FBXL4: variants seen among roughly 807,000 people sequenced by gnomAD.
FBXL4 encodes F-box and leucine rich repeat protein 4, also known as F-box/LRR-repeat protein 4.
FBXL4 carries 40 observed loss-of-function variants against 58.9 expected under a neutral mutation model. The observed-to-expected ratio is 0.68, with a 90% CI of 0.53 to 0.88. The LOEUF (loss-of-function observed/expected upper bound fraction) is 0.88. Among genes scored for constraint, FBXL4 ranks in the 40% least tolerant of loss-of-function variants. The pLI, the probability that FBXL4 is intolerant of heterozygous loss-of-function variation, is 0.00. For synonymous variants in FBXL4, 263 were observed against 265.5 expected, an observed-to-expected ratio of 0.99 and a Z score of 0.09; for missense variants, 676 against 734.4, an observed-to-expected ratio of 0.92 and a Z score of 0.92.
chr6:98,898,306 C>A (rs1204846944), intron 7 of FBXL4: 1 of 985,238 alleles, frequency 1.0e-6, no homozygotes, highest in Non-Finnish European at 1.2e-6. Flanking sequence ...AAGTATATGA[C>A]AAACAGTATG....
At chr6:98,920,092 G>C (rs528034008) in intron 4 of FBXL4, among the ~76,000 whole-genome samples, 13 of 151,854 alleles carry the variant, frequency 8.6e-5, no homozygotes, top group Non-Finnish European at 1.8e-4. Context: ...ACACAATACA[G>C]GTCTTCATGT....
intron 7 of FBXL4, among the ~76,000 whole-genome samples, chr6:98,894,964 A>G (rs550885330): frequency 3.6e-4 from 55 of 152,234 alleles, no homozygotes; most frequent in Non-Finnish European, 6.2e-4. Flanking sequence ...CATACAAGAC[A>G]ATTCTGACCC....
rs1464524393 is a variant in FBXL4, at chr6:98,874,015, A to G, written c.*263T>C. On this transcript the variant is annotated 3_prime_UTR_variant, in exon 10 of 10. Coordinates refer to ENST00000369244, the MANE Select transcript of FBXL4 (RefSeq NM_001278716.2). ...ATTCCATGTTATTCTTTTATCAATC[A>G]TATTATTGACTAAAGCATATCACTG... The G allele has an allele frequency of 7.7e-6, 2 of 259,694 alleles. No homozygotes were observed. The allele number at this position is 259,694 out of a possible 1,614,324, so 16.1% of individuals were successfully genotyped here.
chr6:98,910,217 G>A (rs1263857273), intron 5 of FBXL4, among the ~76,000 whole-genome samples: 1 of 152,176 alleles, frequency 6.6e-6, no homozygotes, highest in Non-Finnish European at 1.5e-5. Context: ...TTCGAAACTG[G>A]TGGGGAGAGG....
chr6:98,907,046 C>A (rs966407436), intron 5 of FBXL4, among the ~76,000 whole-genome samples: 1 of 152,138 alleles, frequency 6.6e-6, no homozygotes, highest in Non-Finnish European at 1.5e-5. Context: ...TGTTTAACTT[C>A]TTTGTAGATT....
chr6:98,926,565 C>G lies in FBXL4; in HGVS notation c.424G>C (p.Val142Leu). The G allele has an allele frequency of 1.9e-6, 3 of 1,614,128 alleles. No individual in the cohort carries two copies. The highest frequency in any genetic ancestry group is 2.2e-5 in the South Asian group (2 of 91,086). ...GCTCCGGGATGATAGGTTTCTAGAACATGTACAGCTGTAGGATACACCTGT... is the reference window on the plus strand; with the variant it reads ...GCTCCGGGATGATAGGTTTCTAGAAGATGTACAGCTGTAGGATACACCTGT... ...EQQVYPTAVH[V>L]LETYHPGAVI... The change falls in exon 4 of 10, where the codon GTT becomes CTT. Residue 142 changes from valine (V) to leucine (L), a missense_variant. Val to Leu is a conservative substitution (Grantham distance 32). Transcript: ENST00000369244.
At chr6:98,875,268 T>C in intron 9 of FBXL4, 147 bp downstream of exon 9, 1 of 707,676 alleles carries the variant, frequency 1.4e-6, no homozygotes, top group Non-Finnish European at 2.5e-6. Context: ...CTGATCTATC[T>C]TGCATTTCCT....
Position 98,905,682 on chromosome 6 carries a change from A to G in FBXL4, c.859-12T>C, listed in dbSNP as rs1338054322. On this transcript the variant is annotated splice_polypyrimidine_tract_variant and intron_variant, in intron 5 of 9. Coordinates refer to ENST00000369244, the MANE Select transcript of FBXL4 (RefSeq NM_001278716.2). ...ATCAGCTGAATAAGCTAAATAAGAC[A>G]GAGAAACCAAGATCATCAAGAGTGA... is the stretch of plus-strand genomic sequence containing the variant. The G allele has an allele frequency of 1.2e-6, 2 of 1,609,472 alleles. No individual in the cohort carries two copies. Among genetic ancestry groups the G allele is most frequent in the Non-Finnish European group, 8.5e-7 (1 of 1,176,462 alleles).
chr6:98,934,367 C>T (rs1773125226), intron 2 of FBXL4, among the ~76,000 whole-genome samples: 1 of 151,596 alleles, frequency 6.6e-6, no homozygotes, highest in South Asian at 2.1e-4. Context: ...CCACTGCACT[C>T]CAACCTGAGC....
At chr6:98,899,167 G>C (rs1771511819) in intron 7 of FBXL4, 101 bp downstream of exon 7, 1 of 1,514,680 alleles carries the variant, frequency 6.6e-7, no homozygotes, top group Admixed American at 2.2e-5. Flanking sequence ...TCATAAACTT[G>C]ATTTAAAAAT....
chr6:98,876,548 G>T (rs182176911), intron 8 of FBXL4, among the ~76,000 whole-genome samples: 1 of 152,102 alleles, frequency 6.6e-6, no homozygotes, highest in East Asian at 1.9e-4. Context: ...AAACATCTAC[G>T]CACCACTCCA....
At position 98,868,774 on chromosome 6, in the gene FBXL4, AATTAC is replaced by A. The variant is rs1770419110; in HGVS notation, c.*5499_*5503del. ...AAATTTTTATAACTAATACTTCACT[AATTAC>A]TTTACCAAATACATAGATTAAAATA... On this transcript the variant is annotated 3_prime_UTR_variant, in exon 10 of 10. Coordinates refer to ENST00000369244, the MANE Select transcript of FBXL4 (RefSeq NM_001278716.2). 6.6e-6 allele frequency: 1 copy of A among 152,192 alleles called. No individual in the cohort carries two copies. The highest frequency in any genetic ancestry group is 2.1e-4 in the South Asian group (1 of 4,832). The allele number at this position is 152,192 out of a possible 1,614,324, so 9.4% of individuals were successfully genotyped here.
intron 5 of FBXL4, among the ~76,000 whole-genome samples, chr6:98,912,367 A>G (rs980281227): frequency 1.3e-5 from 2 of 152,156 alleles, no homozygotes; most frequent in African/African-American, 2.4e-5. Context: ...TCCAAGACAC[A>G]TAATTGTCAG....
chr6:98,943,866 A>G (rs1196587389), intron 1 of FBXL4, among the ~76,000 whole-genome samples: 2 of 152,242 alleles, frequency 1.3e-5, no homozygotes, highest in African/African-American at 4.8e-5. Flanking sequence ...ATATTCTTTA[A>G]GATAAAATCC....
chr6:98,907,629 G>T (rs1010032087), intron 5 of FBXL4, among the ~76,000 whole-genome samples: 52 of 152,050 alleles, frequency 3.4e-4, no homozygotes, highest in Admixed American at 1.9e-3. Flanking sequence ...TAAAGGAAAA[G>T]ATATTAAATA....
chr6:98,904,034 T>C (rs1771709221), intron 6 of FBXL4, among the ~76,000 whole-genome samples: 1 of 152,174 alleles, frequency 6.6e-6, no homozygotes, highest in African/African-American at 2.4e-5. Context: ...GAAAGAGCTA[T>C]GAGGGTAATT....
chr6:98,879,236 C>A (rs541154722), intron 8 of FBXL4, among the ~76,000 whole-genome samples: 3 of 152,256 alleles, frequency 2.0e-5, no homozygotes, highest in African/African-American at 7.2e-5. Context: ...CAAATACTCC[C>A]TAGCATACCA....
At chr6:98,928,088 AGT>A (rs1177970091) in intron 2 of FBXL4, among the ~76,000 whole-genome samples, 1 of 152,186 alleles carries the variant, frequency 6.6e-6, no homozygotes, top group Non-Finnish European at 1.5e-5. Context: ...GAGGCCAAAC[AGT>A]GTTTTTTAAA....
intron 6 of FBXL4, among the ~76,000 whole-genome samples, chr6:98,901,455 T>C (rs1404369663): frequency 2.0e-5 from 3 of 152,144 alleles, no homozygotes; most frequent in Non-Finnish European, 4.4e-5. Flanking sequence ...TCTGGCTTTA[T>C]ACCAGAAAGC....
Sources: gnomAD v4.1 joint callset for allele counts (sites outside exome capture counted in the v4.1 genomes callset) on GRCh38, gnomAD v4.1.1 for gene constraint, MANE v1.5 for transcripts, NCBI Gene and HGNC (gene_info 2026-07-23, HGNC 2026-07-21) for gene names.